PIN1: variants seen among roughly 807,000 people sequenced by gnomAD.
PIN1 encodes peptidylprolyl cis/trans isomerase, NIMA-interacting 1, also known as peptidyl-prolyl cis-trans isomerase NIMA-interacting 1.
In PIN1, 8 loss-of-function variants were observed where a neutral mutation model predicts 19.9. The observed-to-expected ratio is 0.40, with a 90% confidence interval of 0.24 to 0.72. The LOEUF (loss-of-function observed/expected upper bound fraction) is 0.72, where lower values mean the gene tolerates loss of function less well. Ranked by LOEUF, PIN1 falls within the 30% of genes least tolerant of loss-of-function variation. The pLI, the probability that PIN1 is intolerant of heterozygous loss-of-function variation, is 0.37. For synonymous variants in PIN1, 86 were observed against 90.8 expected, an observed-to-expected ratio of 0.95 and a Z score of 0.30; for missense variants, 185 against 226.5, an observed-to-expected ratio of 0.82 and a Z score of 1.18.
intron 1 of PIN1, chr19:9,836,833 C>G (rs2046111682): frequency 1.6e-6 from 2 of 1,287,000 alleles, no homozygotes; most frequent in Non-Finnish European, 2.0e-6. Context: ...AGTAAACACT[C>G]AGGAAGCGTT....
rs2046220147 is a variant in PIN1, at chr19:9,846,370, T to C, written c.272-1660T>C. On this transcript the variant is annotated intron_variant, in intron 2 of 3. Coordinates refer to ENST00000247970, the MANE Select transcript of PIN1 (RefSeq NM_006221.4). This position sits in a 1 kb window ranked among gnomAD's most constrained non-coding sequence, Gnocchi z 5.9. ...GGAAGAATGATGACAGCAAGGGACG[T>C]TGGTCAGGGTCCTGCTCGGTGCCGG... is the stretch of plus-strand genomic sequence containing the variant. Among the ~76,000 whole-genome samples the C allele has an allele frequency of 6.6e-6, 1 of 152,084 alleles. No individual in the cohort carries two copies. The highest frequency in any genetic ancestry group is 1.5e-5 in the Non-Finnish European group (1 of 68,006).
chr19:9,845,593 A>G (rs2046213503), intron 2 of PIN1, among the ~76,000 whole-genome samples: 1 of 152,156 alleles, frequency 6.6e-6, no homozygotes, highest in African/African-American at 2.4e-5. Flanking sequence ...CTGAACAATA[A>G]AGTGCGACCC....
At position 9,849,152 on chromosome 19, in the gene PIN1, C is replaced by T. The variant is rs139099836; in HGVS notation, c.445C>T (p.Pro149Ser). 1 of 1,613,620 alleles carries T rather than the reference C, an allele frequency of 6.2e-7. No individual in the cohort carries two copies. Among genetic ancestry groups the T allele is most frequent in the South Asian group, 1.1e-5 (1 of 91,052 alleles). The stretch of plus-strand genomic sequence containing the variant: ...GCTGCGGACGGGGGAGATGAGCGGG[C>T]CCGTGTTCACGGATTCCGGCATCCA... ...FALRTGEMSG[P>S]VFTDSGIHII... The change falls in exon 4 of 4, where the codon CCC becomes TCC. Residue 149 changes from proline (P) to serine (S), a missense_variant. Pro to Ser is a moderately conservative substitution (Grantham distance 74, BLOSUM62 -1). Transcript: ENST00000247970.
intron 2 of PIN1, among the ~76,000 whole-genome samples, chr19:9,841,320 T>C (rs906873672): frequency 6.6e-6 from 1 of 152,182 alleles, no homozygotes; most frequent in African/African-American, 2.4e-5. Flanking sequence ...ATCTCTCTCT[T>C]TCCCCTGTAT....
chr19:9,849,563 T>C lies in PIN1; in HGVS notation c.*364T>C, dbSNP rs1205851718. 1 of 580,562 alleles carries C rather than the reference T, an allele frequency of 1.7e-6. No homozygotes were observed. Among genetic ancestry groups the C allele is most frequent in the South Asian group, 1.4e-5 (1 of 72,122 alleles). The allele number at this position is 580,562 out of a possible 1,614,324, so 36.0% of individuals were successfully genotyped here. ...GGAGGCAGACTCGAGGGCCGAATTG[T>C]TTCTAGTTAGGCCACGCTCCTCTGT... On this transcript the variant is annotated 3_prime_UTR_variant, in exon 4 of 4. Transcript: ENST00000247970.
chr19:9,846,099 C>T lies in PIN1; in HGVS notation c.272-1931C>T, dbSNP rs191037790. On this transcript the variant is annotated intron_variant, in intron 2 of 3. Coordinates refer to ENST00000247970, the MANE Select transcript of PIN1 (RefSeq NM_006221.4). This position sits in a 1 kb window ranked among gnomAD's most constrained non-coding sequence, Gnocchi z 5.9. ...GGTCCTAGCAACATCTGGTTTAAGTCGGAGTCACTGGTGGATGTGTCTGGC... is the reference window on the plus strand; with the variant it reads ...GGTCCTAGCAACATCTGGTTTAAGTTGGAGTCACTGGTGGATGTGTCTGGC... Among the ~76,000 whole-genome samples the T allele has an allele frequency of 5.3e-5, 8 of 152,268 alleles. No individual in the cohort carries two copies. Among genetic ancestry groups the T allele is most frequent in the Admixed American group, 3.9e-4 (6 of 15,304 alleles).
chr19:9,836,677 C>T, intron 1 of PIN1: 1 of 414,266 alleles, frequency 2.4e-6, no homozygotes, highest in Non-Finnish European at 4.6e-6. Flanking sequence ...CTTCATACCC[C>T]TCACTCCCTG....
intron 2 of PIN1, among the ~76,000 whole-genome samples, chr19:9,840,547 C>T (rs544141930): frequency 2.6e-5 from 4 of 152,354 alleles, no homozygotes; most frequent in South Asian, 2.1e-4. Context: ...AGCTCTGCCA[C>T]GTCCTGGCTA....
chr19:9,837,294 C>T (rs987593107), intron 1 of PIN1: 1 of 169,058 alleles, frequency 5.9e-6, no homozygotes, highest in Non-Finnish European at 1.3e-5. Context: ...GCTGGGATTA[C>T]AGGTGCCTGC....
At chr19:9,847,171 A>G (rs2046227020) in intron 2 of PIN1, among the ~76,000 whole-genome samples, 3 of 152,070 alleles carry the variant, frequency 2.0e-5, no homozygotes, top group Admixed American at 2.0e-4. Context: ...CACACCACAC[A>G]CACCACGTGC....
chr19:9,847,348 A>G (rs1337605197), intron 2 of PIN1, among the ~76,000 whole-genome samples: 1 of 152,152 alleles, frequency 6.6e-6, no homozygotes, highest in Non-Finnish European at 1.5e-5. Context: ...TTTGGGCCAC[A>G]CAGGGTGGGG....
At chr19:9,849,025 C>T (rs2046248429) in intron 3 of PIN1, 65 bp from the exon 4 acceptor site, 14 of 1,026,180 alleles carry the variant, frequency 1.4e-5, no homozygotes, top group Non-Finnish European at 2.0e-5. Flanking sequence ...CTGCCACCCG[C>T]CCTGCCTCAT....
rs564240939 is a variant in PIN1 at position 9,838,491 on chromosome 19, C to A, written c.114C>A (p.Ser38Arg). ...ACGCCAGCCAGTGGGAGCGGCCCAG[C>A]GGCAACAGCAGCAGTGGTGGCAAAA... ...ITNASQWERP[S>R]GNSSSGGKNG... is the part of the protein sequence containing the mutation. Residue 38 changes from serine (S) to arginine (R), a missense_variant, in exon 2 of 4, where the codon AGC becomes AGA. Coordinates refer to ENST00000247970, the MANE Select transcript of PIN1 (RefSeq NM_006221.4). The surrounding 1 kb of genome is among the most constrained non-coding windows in gnomAD (Gnocchi z 5.8). 11 of 1,608,900 alleles carry A rather than the reference C, an allele frequency of 6.8e-6. No individual in the cohort carries two copies. Among genetic ancestry groups the A allele is most frequent in the Non-Finnish European group, 9.3e-6 (11 of 1,178,440 alleles).
chr19:9,849,282 G>C lies in PIN1; in HGVS notation c.*83G>C, dbSNP rs571445899. ...CCCCCTTGCCCGCCAGCCAGTGGCCGAACCCCCCACTCCCTGCCACCGTCA... is the reference window on the plus strand; with the variant it reads ...CCCCCTTGCCCGCCAGCCAGTGGCCCAACCCCCCACTCCCTGCCACCGTCA... On this transcript the variant is annotated 3_prime_UTR_variant, in exon 4 of 4. Coordinates refer to ENST00000247970, the MANE Select transcript of PIN1 (RefSeq NM_006221.4). 2.3e-6 allele frequency: 2 copies of C among 879,830 alleles called. No homozygotes were observed. Among genetic ancestry groups the C allele is most frequent in the African/African-American group, 3.3e-5 (2 of 60,314 alleles). 54.5% of individuals were successfully genotyped at this position (879,830 alleles called of 1,614,324 possible). A position where few individuals can be genotyped will look rare whatever the true frequency, so the allele number is the denominator to read the frequency against.
In PIN1 at chr19:9,849,525, C is replaced by G; in HGVS notation, c.*326C>G. On this transcript the variant is annotated 3_prime_UTR_variant, in exon 4 of 4. Coordinates refer to ENST00000247970, the MANE Select transcript of PIN1 (RefSeq NM_006221.4). Reference sequence around the variant, plus strand: ...CCTGGTCAGCAGAGCCGCCCCGTGTCCCCCCAGGTGCTGGAGGCAGACTCG... The same window carrying G: ...CCTGGTCAGCAGAGCCGCCCCGTGTGCCCCCAGGTGCTGGAGGCAGACTCG... 3.1e-6 allele frequency: 2 copies of G among 636,326 alleles called. No individual in the cohort carries two copies. The highest frequency in any genetic ancestry group is 2.8e-5 in the South Asian group (2 of 72,658). 39.4% of individuals were successfully genotyped at this position (636,326 alleles called of 1,614,324 possible). A position where few individuals can be genotyped will look rare whatever the true frequency, so the allele number is the denominator to read the frequency against.
At chr19:9,839,644 A>G (rs1046961126) in intron 2 of PIN1, among the ~76,000 whole-genome samples, 2 of 152,236 alleles carry the variant, frequency 1.3e-5, no homozygotes, top group Non-Finnish European at 2.9e-5. Flanking sequence ...GTAAGCAAGC[A>G]CATGGTCATG....
At chr19:9,836,677 C>A (rs1321632164) in intron 1 of PIN1, 2 of 414,148 alleles carry the variant, frequency 4.8e-6, no homozygotes, top group Non-Finnish European at 9.3e-6. Flanking sequence ...CTTCATACCC[C>A]TCACTCCCTG....
At position 9,838,290 on chromosome 19, in the gene PIN1, C is replaced by T. The variant is rs551006165; in HGVS notation, c.59-146C>T. 1.4e-6 allele frequency: 1 copy of T among 717,908 alleles called. No individual in the cohort carries two copies. The allele number at this position is 717,908 out of a possible 1,614,324, so 44.5% of individuals were successfully genotyped here. On this transcript the variant is annotated intron_variant, in intron 1 of 3. Coordinates refer to ENST00000247970, the MANE Select transcript of PIN1 (RefSeq NM_006221.4). The surrounding 1 kb of genome is among the most constrained non-coding windows in gnomAD (Gnocchi z 5.8). ...GCCACATTGGCCCACGTCTGGAGAG[C>T]CTGTGGCACATGGTGGATACACCAT...
At chr19:9,848,826 C>T (rs2145420354) in intron 3 of PIN1, among the ~76,000 whole-genome samples, 1 of 152,274 alleles carries the variant, frequency 6.6e-6, no homozygotes, top group African/African-American at 2.4e-5. Context: ...CCGAAGTGGC[C>T]CCTAAATGCA....
Sources: allele counts gnomAD v4.1 joint callset (sites outside exome capture counted in the v4.1 genomes callset), GRCh38; gene constraint gnomAD v4.1.1; non-coding constraint Gnocchi (gnomAD v3.1); transcripts MANE v1.5; gene names NCBI Gene and HGNC (gene_info 2026-07-23, HGNC 2026-07-21).